The following DHTKD1 variants were observed in gnomAD, a reference collection of about 807,000 sequenced individuals.
The protein encoded by DHTKD1 is 2-oxoadipate dehydrogenase complex component E1.
DHTKD1 carries 78 observed loss-of-function variants against 101.8 expected under a neutral mutation model. The ratio of observed to expected loss-of-function variants is 0.77; its 90% confidence interval spans 0.64 to 0.93. The LOEUF (loss-of-function observed/expected upper bound fraction) is 0.93, where lower values mean the gene tolerates loss of function less well. DHTKD1 is among the 40% of genes least tolerant of loss of function. The pLI is 0.00. For synonymous variants in DHTKD1, 462 were observed against 450.3 expected, an observed-to-expected ratio of 1.03 and a Z score of -0.33; for missense variants, 1,223 against 1,161.7, an observed-to-expected ratio of 1.05 and a Z score of -0.77.
chr10:12,095,957 TGA>T (rs2131364042), intron 7 of DHTKD1, among the ~76,000 whole-genome samples: 1 of 151,898 alleles, frequency 6.6e-6, no homozygotes, highest in South Asian at 2.1e-4. Context: ...TGCAGTGAGC[TGA>T]GATTGTGCCA....
chr10:12,081,622 C>T lies in DHTKD1; in HGVS notation c.305C>T (p.Thr102Met), dbSNP rs769632958. The change falls in exon 2 of 17, where the codon ACG becomes ATG. Residue 102 changes from threonine (T) to methionine (M), a missense_variant. Coordinates refer to ENST00000263035, the MANE Select transcript of DHTKD1 (RefSeq NM_018706.7). ...CAGACACTGCAGGGACCCTTCCACA[C>T]GGCAGGTATGGCTTCTGCACAGCAG... ...LVQTLQGPFHTAGLLNMGKEE... is the reference protein window; with the variant it reads ...LVQTLQGPFHMAGLLNMGKEE... 9.9e-6 allele frequency: 16 copies of T among 1,614,094 alleles called. No individual in the cohort carries two copies. Among genetic ancestry groups the T allele is most frequent in the East Asian group, 6.7e-5 (3 of 44,870 alleles).
chr10:12,120,459 A>G (rs1241270351), intron 16 of DHTKD1, 192 bp downstream of exon 16: 13 of 539,704 alleles, frequency 2.4e-5, no homozygotes, highest in African/African-American at 1.2e-4. Flanking sequence ...TCAGCCTCCC[A>G]AGTAGCTGGG....
At chr10:12,114,948 A>G (rs1443986691) in intron 13 of DHTKD1, among the ~76,000 whole-genome samples, 1 of 152,084 alleles carries the variant, frequency 6.6e-6, no homozygotes, top group Non-Finnish European at 1.5e-5. Context: ...GGCGCCTGCC[A>G]CCACGACCTG....
chr10:12,091,756 CA>C (rs1422196719), intron 6 of DHTKD1, 72 bp downstream of exon 6: 15 of 1,316,346 alleles, frequency 1.1e-5, no homozygotes, highest in Middle Eastern at 1.9e-4. Context: ...CTGGTGCACA[CA>C]GAACAATGAG....
intron 5 of DHTKD1, among the ~76,000 whole-genome samples, chr10:12,090,475 CCTT>C (rs2131359785): frequency 8.7e-6 from 1 of 115,020 alleles, no homozygotes; most frequent in East Asian, 2.6e-4. Flanking sequence ...TTCCTTCCTT[CCTT>C]CTTCTTTCTC....
intron 1 of DHTKD1, among the ~76,000 whole-genome samples, chr10:12,070,289 G>A (rs147147224): frequency 2.0e-5 from 3 of 152,180 alleles, no homozygotes; most frequent in African/African-American, 4.8e-5. Flanking sequence ...TTATCCTCAC[G>A]GAGTAGAAGA....
intron 6 of DHTKD1, among the ~76,000 whole-genome samples, chr10:12,092,025 T>C (rs998122930): frequency 4.6e-5 from 7 of 151,372 alleles, no homozygotes; most frequent in Admixed American, 4.6e-4. Context: ...CTTTCCAGCT[T>C]GTACTCCATG....
chr10:12,098,151 T>A (rs1225897559), intron 8 of DHTKD1, among the ~76,000 whole-genome samples, 155 bp downstream of exon 8: 1 of 152,246 alleles, frequency 6.6e-6, no homozygotes, highest in East Asian at 1.9e-4. Context: ...GTTTTGGTAC[T>A]GATAGTCAGT....
chr10:12,073,503 T>A (rs191212952), intron 1 of DHTKD1, among the ~76,000 whole-genome samples: 52 of 152,234 alleles, frequency 3.4e-4, no homozygotes, highest in Non-Finnish European at 6.0e-4. Flanking sequence ...CTCACCACCA[T>A]GCCTGGCTAA....
chr10:12,085,554 C>CTT (rs1022932858), intron 3 of DHTKD1, among the ~76,000 whole-genome samples: 1 of 152,130 alleles, frequency 6.6e-6, no homozygotes, highest in Non-Finnish European at 1.5e-5. Context: ...TCTACTCACT[C>CTT]TATAAAAGAC....
intron 13 of DHTKD1, among the ~76,000 whole-genome samples, chr10:12,115,642 C>T (rs1471667875): frequency 1.2e-4 from 18 of 152,198 alleles, no homozygotes. Flanking sequence ...CCGGTTCTTT[C>T]TCACCCAGTG....
In DHTKD1 at chr10:12,089,062, T is replaced by C; in HGVS notation, c.794T>C (p.Leu265Pro). 2 of 1,614,104 alleles carry C rather than the reference T, an allele frequency of 1.2e-6. No individual in the cohort carries two copies. Among genetic ancestry groups the C allele is most frequent in the Non-Finnish European group, 1.7e-6 (2 of 1,179,948 alleles). ...FSATGDVLSH[L>P]TSSVDLYFGA... ...GCCACTGGAGACGTCCTGTCTCACC[T>C]GACCTCCTCTGTGGACCTGTACTTT... The change falls in exon 5 of 17, where the codon CTG becomes CCG. Residue 265 changes from leucine (L) to proline (P), a missense_variant. By Grantham distance (98) the Leu-to-Pro change is moderately conservative. Transcript: ENST00000263035.
chr10:12,083,564 A>G (rs907919136), intron 2 of DHTKD1, among the ~76,000 whole-genome samples: 4 of 152,090 alleles, frequency 2.6e-5, no homozygotes, highest in African/African-American at 9.7e-5. Context: ...GTGAAACCCC[A>G]TCTATACTAA....
intron 13 of DHTKD1, among the ~76,000 whole-genome samples, chr10:12,113,328 G>A (rs961427354): frequency 6.6e-6 from 1 of 152,128 alleles, no homozygotes; most frequent in African/African-American, 2.4e-5. Context: ...CTCCCAAGTA[G>A]CTGAGATTAC....
chr10:12,120,663 T>C (rs1833513195), intron 16 of DHTKD1, 124 bp from the exon 17 acceptor site: 3 of 825,808 alleles, frequency 3.6e-6, no homozygotes, highest in Admixed American at 4.1e-5. Context: ...CGTAACTCAT[T>C]ATTTGAAAGA....
At chr10:12,072,597 G>A (rs558159791) in intron 1 of DHTKD1, among the ~76,000 whole-genome samples, 1 of 152,252 alleles carries the variant, frequency 6.6e-6, no homozygotes, top group South Asian at 2.1e-4. Flanking sequence ...CATGATGAGT[G>A]TTCTTTGTAA....
rs1195376259 is a variant in DHTKD1, at chr10:12,115,017, G to C, written c.2319+1953G>C. ...TCACTGTGTTAGCCAGGATGGTCTC[G>C]ATCTCCTGACCTCGTGATCCGCCCG... On this transcript the variant is annotated intron_variant, in intron 13 of 16. Transcript: ENST00000263035. Among the ~76,000 whole-genome samples, 4 of 151,736 alleles carry C rather than the reference G, an allele frequency of 2.6e-5. No individual in the cohort carries two copies. The East Asian group carries it at 7.8e-4, about 30-fold the overall frequency.
rs769396337 is a variant in DHTKD1, at chr10:12,087,547, T to C, written c.535T>C (p.Phe179Leu). 1 of 1,600,112 alleles carries C rather than the reference T, an allele frequency of 6.2e-7. No homozygotes were observed. The highest frequency in any genetic ancestry group is 8.5e-7 in the Non-Finnish European group (1 of 1,172,976). Residue 179 changes from phenylalanine to leucine, a missense_variant, in exon 4 of 17, where the codon TTT (phenylalanine) becomes CTT (leucine). Coordinates refer to ENST00000263035, the MANE Select transcript of DHTKD1 (RefSeq NM_018706.7). This position sits in a 1 kb window ranked among gnomAD's most constrained non-coding sequence, Gnocchi z 5.2. ...LMLESQEFDH[F>L]LATKFSTVKR... Reference sequence around the variant, plus strand: ...TGATGTTCTGCAGGAGTTTGACCACTTTCTGGCCACCAAGTTCTCGACAGT... The same window carrying C: ...TGATGTTCTGCAGGAGTTTGACCACCTTCTGGCCACCAAGTTCTCGACAGT...
At chr10:12,088,947 T>C in intron 4 of DHTKD1, 39 bp from the exon 5 acceptor site, 1 of 1,579,818 alleles carries the variant, frequency 6.3e-7, no homozygotes, top group South Asian at 1.1e-5. Flanking sequence ...TCCATTGTGA[T>C]GAATGCCATT....
Sources: gnomAD v4.1 joint callset for allele counts (sites outside exome capture counted in the v4.1 genomes callset) on GRCh38, gnomAD v4.1.1 for gene constraint, Gnocchi (gnomAD v3.1) non-coding constraint, MANE v1.5 for transcripts, NCBI Gene and HGNC (gene_info 2026-07-23, HGNC 2026-07-21) for gene names.